The following SLA variants were observed in gnomAD, a reference collection of about 807,000 sequenced individuals.
SLA encodes src-like-adapter.
SLA carries 16 observed loss-of-function variants against 30.3 expected under a neutral mutation model. The observed-to-expected ratio is 0.53, with a 90% CI of 0.36 to 0.80. The LOEUF is 0.80. SLA is among the 30% of genes least tolerant of loss of function. The pLI, the probability that SLA is intolerant of heterozygous loss-of-function variation, is 0.01. For synonymous variants in SLA, 143 were observed against 137.8 expected, an observed-to-expected ratio of 1.04 and a Z score of -0.26; for missense variants, 310 against 345.2, an observed-to-expected ratio of 0.90 and a Z score of 0.81.
In SLA at chr8:133,095,348, T is replaced by C. The variant is rs1257601668; in HGVS notation, c.-319+7205A>G. The C allele has an allele frequency of 5.9e-6, 7 of 1,193,702 alleles. No individual in the cohort carries two copies. In the East Asian group the frequency reaches 1.5e-4, roughly 25 times the overall value. The allele number at this position is 1,193,702 out of a possible 1,614,324, so 73.9% of individuals were successfully genotyped here. A position where few individuals can be genotyped will look rare whatever the true frequency, so the allele number is the denominator to read the frequency against. On this transcript the variant is annotated intron_variant, in intron 1 of 8. Coordinates refer to ENST00000338087, the MANE Select transcript of SLA (RefSeq NM_001045556.3). ...GACCAACTGGAGCTGGAACTCACAT[T>C]CCCTAGCCCCTAGAGCTGTGCATGC... is the stretch of plus-strand genomic sequence containing the variant.
intron 1 of SLA, among the ~76,000 whole-genome samples, chr8:133,097,898 A>G (rs1010217072): frequency 2.2e-4 from 34 of 152,252 alleles, no homozygotes; most frequent in African/African-American, 8.2e-4. Flanking sequence ...TCCTATCTGG[A>G]AGGTGGGTGT....
At chr8:133,080,371 C>T (rs1196016847) in intron 1 of SLA, among the ~76,000 whole-genome samples, 4 of 152,146 alleles carry the variant, frequency 2.6e-5, no homozygotes, top group Non-Finnish European at 4.4e-5. Context: ...TAGTTGCCTC[C>T]AGTCACTCAG....
intron 1 of SLA, chr8:133,095,029 T>G: frequency 6.2e-7 from 1 of 1,612,958 alleles, no homozygotes; most frequent in Non-Finnish European, 8.5e-7. Context: ...GCCCTGAGCC[T>G]GCTTTCTCTT....
intron 1 of SLA, among the ~76,000 whole-genome samples, chr8:133,090,617 T>C (rs189582600): frequency 1.3e-5 from 2 of 152,304 alleles, no homozygotes; most frequent in Non-Finnish European, 2.9e-5. Context: ...TCATGGATAA[T>C]AACATTCCTA....
At position 133,074,974 on chromosome 8, in the gene SLA, C is replaced by T. The variant is rs897673991; in HGVS notation, c.-162G>A. 6 of 985,312 alleles carry T rather than the reference C, an allele frequency of 6.1e-6. No homozygotes were observed. The highest frequency in any genetic ancestry group is 3.5e-5 in the African/African-American group (2 of 57,210). The allele number at this position is 985,312 out of a possible 1,614,324, so 61.0% of individuals were successfully genotyped here. On this transcript the variant is annotated 5_prime_UTR_variant, in exon 2 of 9. Coordinates refer to ENST00000338087, the MANE Select transcript of SLA (RefSeq NM_001045556.3). The stretch of plus-strand genomic sequence containing the variant: ...AGAATAAACAGGCAGCCGGGCTTCT[C>T]GCGGTTGTGGAGAAGCAGCCCATGC...
chr8:133,055,079 C>T (rs1841126470), intron 3 of SLA, among the ~76,000 whole-genome samples: 1 of 152,068 alleles, frequency 6.6e-6, no homozygotes, highest in Non-Finnish European at 1.5e-5. Flanking sequence ...GATTTCAAAG[C>T]CCAGGGTCCT....
chr8:133,062,087 G>C (rs1475430911), intron 2 of SLA, among the ~76,000 whole-genome samples: 2 of 152,218 alleles, frequency 1.3e-5, no homozygotes, highest in African/African-American at 4.8e-5. Flanking sequence ...GCTAGAACGG[G>C]CAGCATGTTT....
chr8:133,063,160 C>T (rs1842617078), intron 2 of SLA, among the ~76,000 whole-genome samples: 1 of 151,212 alleles, frequency 6.6e-6, no homozygotes, highest in African/African-American at 2.5e-5. Flanking sequence ...CCCAACAATG[C>T]CTTCCTGTCC....
intron 1 of SLA, among the ~76,000 whole-genome samples, chr8:133,100,893 G>A (rs16904832): frequency 0.22 from 33,156 of 152,090 alleles, 3,748 homozygotes; most frequent in African/African-American, 0.26. Flanking sequence ...AGTAACTCAT[G>A]CTCTTACTTT....
intron 2 of SLA, among the ~76,000 whole-genome samples, chr8:133,072,742 C>A (rs779913304): frequency 1.9e-4 from 29 of 152,178 alleles, no homozygotes; most frequent in Non-Finnish European, 3.4e-4. Flanking sequence ...TGCCAGATTT[C>A]ACAATTTAGA....
At chr8:133,080,956 A>T (rs768315145) in intron 1 of SLA, among the ~76,000 whole-genome samples, 18 of 152,222 alleles carry the variant, frequency 1.2e-4, no homozygotes, top group Non-Finnish European at 2.1e-4. Flanking sequence ...TTTTATTTGC[A>T]TCCTAGGAAT....
intron 1 of SLA, among the ~76,000 whole-genome samples, chr8:133,091,842 C>T (rs1172624855): frequency 1.3e-5 from 2 of 151,624 alleles, no homozygotes; most frequent in African/African-American, 4.8e-5. Context: ...TTTATGTGAC[C>T]ATGAGTGTCT....
At chr8:133,042,815 T>C (rs1838559029) in intron 7 of SLA, among the ~76,000 whole-genome samples, 1 of 149,476 alleles carries the variant, frequency 6.7e-6, no homozygotes, top group Admixed American at 6.7e-5. Context: ...TGCCTCAGCC[T>C]TCCGAATAGT....
chr8:133,101,605 G>T (rs1348040082), intron 1 of SLA, among the ~76,000 whole-genome samples: 1 of 152,168 alleles, frequency 6.6e-6, no homozygotes, highest in African/African-American at 2.4e-5. Context: ...CACCTAAACA[G>T]GGTGTCCAGC....
intron 2 of SLA, among the ~76,000 whole-genome samples, chr8:133,065,938 G>A (rs866239522): frequency 2.0e-4 from 30 of 152,294 alleles, no homozygotes; most frequent in Middle Eastern, 3.4e-3. Flanking sequence ...TTCCAGCGGG[G>A]ATGAGGGGTG....
intron 1 of SLA, among the ~76,000 whole-genome samples, chr8:133,080,745 C>G (rs755852526): frequency 1.3e-5 from 2 of 152,248 alleles, no homozygotes; most frequent in South Asian, 4.1e-4. Context: ...CCACTGTGCA[C>G]TGTAGACAAG....
intron 1 of SLA, among the ~76,000 whole-genome samples, chr8:133,099,786 G>T (rs1277516716): frequency 6.6e-6 from 1 of 152,128 alleles, no homozygotes; most frequent in African/African-American, 2.4e-5. Flanking sequence ...AAATCCAGCT[G>T]GCTGTATTTT....
intron 1 of SLA, among the ~76,000 whole-genome samples, chr8:133,085,744 G>A (rs1846435030): frequency 6.6e-6 from 1 of 152,196 alleles, no homozygotes; most frequent in Non-Finnish European, 1.5e-5. Flanking sequence ...ATATGAAGAA[G>A]TAAAAGCATT....
chr8:133,079,458 G>T (rs972921210), intron 1 of SLA, among the ~76,000 whole-genome samples: 1 of 152,126 alleles, frequency 6.6e-6, no homozygotes, highest in Non-Finnish European at 1.5e-5. Context: ...TCAGGAGCCA[G>T]TTGTTATATT....
Sources: allele counts gnomAD v4.1 joint callset (sites outside exome capture counted in the v4.1 genomes callset), GRCh38; gene constraint gnomAD v4.1.1; transcripts MANE v1.5; gene names NCBI Gene and HGNC (gene_info 2026-07-23, HGNC 2026-07-21).